The following MEI4 variants were observed in gnomAD, a reference collection of about 807,000 sequenced individuals.
MEI4 encodes the protein meiosis-specific protein MEI4.
MEI4 carries 27 observed loss-of-function variants against 31.4 expected under a neutral mutation model. That is an observed-to-expected ratio of 0.86 (90% CI 0.63 to 1.19). MEI4 has a LOEUF of 1.19. Among genes scored for constraint, MEI4 ranks in the 50% most tolerant of loss-of-function variants. The pLI, the probability that MEI4 is intolerant of heterozygous loss-of-function variation, is 0.00. For synonymous variants in MEI4, 122 were observed against 145.4 expected, an observed-to-expected ratio of 0.84 and a Z score of 1.16; for missense variants, 329 against 398.9, an observed-to-expected ratio of 0.82 and a Z score of 1.49.
intron 3 of MEI4, among the ~76,000 whole-genome samples, chr6:77,782,675 T>C (rs927562462): frequency 6.6e-6 from 1 of 152,186 alleles, no homozygotes; most frequent in South Asian, 2.1e-4. Flanking sequence ...GCCACTTCTC[T>C]AATTTCACAG....
chr6:77,659,311 C>T (rs1768457584), intron 1 of MEI4, among the ~76,000 whole-genome samples: 1 of 152,038 alleles, frequency 6.6e-6, no homozygotes, highest in Admixed American at 6.6e-5. Context: ...TGTGCATGTG[C>T]CTGTCCAATT....
intron 4 of MEI4, among the ~76,000 whole-genome samples, chr6:77,836,305 T>C (rs1388875700): frequency 2.6e-5 from 4 of 152,188 alleles, no homozygotes; most frequent in East Asian, 1.9e-4. Context: ...ATAATGCTTT[T>C]GGAATATTGA....
chr6:77,670,895 A>G (rs1358097323), intron 1 of MEI4, among the ~76,000 whole-genome samples: 17 of 152,130 alleles, frequency 1.1e-4, no homozygotes, highest in Admixed American at 1.0e-3. Context: ...ATCCCTTTCT[A>G]TCACTGCTGT....
chr6:77,863,909 G>A (rs1770942702), intron 4 of MEI4, among the ~76,000 whole-genome samples: 1 of 152,230 alleles, frequency 6.6e-6, no homozygotes, highest in Non-Finnish European at 1.5e-5. Context: ...AGCCAAAAGA[G>A]AGTGGGGGCC....
chr6:77,693,235 T>C (rs1769191834), intron 2 of MEI4, among the ~76,000 whole-genome samples: 1 of 152,100 alleles, frequency 6.6e-6, no homozygotes, highest in Non-Finnish European at 1.5e-5. Flanking sequence ...TCTTTGAGTA[T>C]ACCCAGTGAA....
intron 4 of MEI4, among the ~76,000 whole-genome samples, chr6:77,922,359 A>G (rs189631111): frequency 1.1e-4 from 16 of 151,796 alleles, no homozygotes; most frequent in Admixed American, 7.9e-4. Flanking sequence ...CATTTCCTTG[A>G]CTGTGGAATA....
chr6:77,837,379 A>C (rs888887342), intron 4 of MEI4, among the ~76,000 whole-genome samples: 4 of 152,190 alleles, frequency 2.6e-5, no homozygotes, highest in African/African-American at 9.6e-5. Flanking sequence ...AGGAGGATGC[A>C]GTCAGTAAAA....
chr6:77,880,064 A>C (rs1373425655), intron 4 of MEI4, among the ~76,000 whole-genome samples: 1 of 152,234 alleles, frequency 6.6e-6, no homozygotes, highest in Admixed American at 6.5e-5. Context: ...TAACTGTGAT[A>C]ATAAGTGGAG....
At chr6:77,730,923 C>T (rs1766969523) in intron 2 of MEI4, among the ~76,000 whole-genome samples, 1 of 151,680 alleles carries the variant, frequency 6.6e-6, no homozygotes, top group South Asian at 2.1e-4. Flanking sequence ...TGCTGATTTC[C>T]AATTTCATCC....
intron 3 of MEI4, among the ~76,000 whole-genome samples, chr6:77,797,189 T>A (rs1336305597): frequency 6.6e-6 from 1 of 152,106 alleles, no homozygotes; most frequent in African/African-American, 2.4e-5. Context: ...ATAAATTAAG[T>A]CTGAATGTTT....
intron 2 of MEI4, among the ~76,000 whole-genome samples, chr6:77,745,995 C>G (rs1215518420): frequency 6.6e-6 from 1 of 152,038 alleles, no homozygotes; most frequent in Non-Finnish European, 1.5e-5. Flanking sequence ...ATTTATAACA[C>G]TAAATGCCCA....
chr6:77,691,161 T>C (rs552586075), intron 2 of MEI4, among the ~76,000 whole-genome samples: 2 of 152,160 alleles, frequency 1.3e-5, no homozygotes, highest in South Asian at 4.1e-4. Flanking sequence ...AAAATCTCAT[T>C]GTTCAACTTT....
At chr6:77,732,052 C>T (rs1487621882) in intron 2 of MEI4, among the ~76,000 whole-genome samples, 2 of 148,636 alleles carry the variant, frequency 1.3e-5, no homozygotes, top group Non-Finnish European at 3.0e-5. Context: ...AGTTTGAAGT[C>T]AGGTAGTGTG....
At chr6:77,678,695 T>C (rs1385473326) in intron 1 of MEI4, among the ~76,000 whole-genome samples, 2 of 151,172 alleles carry the variant, frequency 1.3e-5, no homozygotes, top group East Asian at 1.9e-4. Context: ...TTTATCATTA[T>C]CTTGGAGTGC....
chr6:77,846,448 A>G (rs1770489192), intron 4 of MEI4, among the ~76,000 whole-genome samples: 1 of 152,088 alleles, frequency 6.6e-6, no homozygotes, highest in Admixed American at 6.6e-5. Context: ...TTTCTTTAGT[A>G]AGTTATTTTC....
intron 1 of MEI4, among the ~76,000 whole-genome samples, chr6:77,661,213 A>G (rs1768499448): frequency 6.6e-6 from 1 of 152,162 alleles, no homozygotes; most frequent in South Asian, 2.1e-4. Flanking sequence ...AAAGACCATT[A>G]GTCCGTTCTA....
intron 2 of MEI4, among the ~76,000 whole-genome samples, chr6:77,745,199 A>T (rs1247423359): frequency 1.3e-5 from 2 of 152,228 alleles, no homozygotes; most frequent in Admixed American, 1.3e-4. Flanking sequence ...GTCAAGACCC[A>T]TCAGTGTGCT....
At chr6:77,771,132 G>A (rs532527182) in intron 3 of MEI4, among the ~76,000 whole-genome samples, 190 of 152,136 alleles carry the variant, frequency 1.2e-3, no homozygotes, top group African/African-American at 3.7e-3. Flanking sequence ...AAAAGGACAT[G>A]AATCGACACT....
chr6:77,892,155 T>A (rs1424383528), intron 4 of MEI4, among the ~76,000 whole-genome samples: 1 of 151,778 alleles, frequency 6.6e-6, no homozygotes, highest in African/African-American at 2.4e-5. Context: ...GGCCTTTGAG[T>A]GGTGTACATA....
Sources: gnomAD v4.1 joint callset for allele counts (sites outside exome capture counted in the v4.1 genomes callset) on GRCh38, gnomAD v4.1.1 for gene constraint, MANE v1.5 for transcripts, NCBI Gene and HGNC (gene_info 2026-07-23, HGNC 2026-07-21) for gene names.